The following SGCD variants were observed in gnomAD, a reference collection of about 807,000 sequenced individuals.
The protein encoded by SGCD is sarcoglycan delta.
Under a neutral mutation model 36.6 loss-of-function variants are expected in SGCD, and 18 were observed. That is an observed-to-expected ratio of 0.49 (90% CI 0.34 to 0.73). The LOEUF (loss-of-function observed/expected upper bound fraction) is 0.73, where lower values mean the gene tolerates loss of function less well. Ranked by LOEUF, SGCD falls within the 30% of genes least tolerant of loss-of-function variation. The probability of loss-of-function intolerance (pLI) is 0.01; values close to 1 mark genes in which losing one functional copy is unlikely to be tolerated. For missense variants in SGCD, 387 were observed against 346.7 expected (o/e 1.12, Z -0.92); for synonymous variants, 133 against 130.6 (o/e 1.02, Z -0.12).
chr5:156,274,509 G>A (rs1766266987), intron 3 of SGCD, among the ~76,000 whole-genome samples: 1 of 151,874 alleles, frequency 6.6e-6, no homozygotes, highest in Non-Finnish European at 1.5e-5. Flanking sequence ...TTTGCACTTG[G>A]TTCAAACTTT....
At chr5:155,746,589 T>C in the SGCD span, among the ~76,000 whole-genome samples, 2 of 152,132 alleles carry the variant, frequency 1.3e-5, no homozygotes, top group Non-Finnish European at 2.9e-5. Flanking sequence ...CAAGTTCCTG[T>C]CTCTTGTCTT....
At chr5:156,552,592 A>G (rs890361135) in intron 4 of SGCD, among the ~76,000 whole-genome samples, 3 of 152,160 alleles carry the variant, frequency 2.0e-5, no homozygotes, top group African/African-American at 7.2e-5. Flanking sequence ...ATGGATGTGG[A>G]GCCCCTGTGA....
At chr5:156,727,374 A>G (rs1233840777) in intron 7 of SGCD, among the ~76,000 whole-genome samples, 1 of 152,228 alleles carries the variant, frequency 6.6e-6, no homozygotes, top group Non-Finnish European at 1.5e-5. Flanking sequence ...GAAAAGAGGC[A>G]TAAGGAGAAA....
At chr5:156,088,558 G>T (rs1448356151) in intron 1 of SGCD, among the ~76,000 whole-genome samples, 2 of 151,936 alleles carry the variant, frequency 1.3e-5, no homozygotes, top group Non-Finnish European at 2.9e-5. Context: ...AGAATGCAGT[G>T]GTGCAATCAT....
chr5:155,995,268 G>A (rs1426954594), intron 1 of SGCD, among the ~76,000 whole-genome samples: 1 of 151,930 alleles, frequency 6.6e-6, no homozygotes, highest in African/African-American at 2.4e-5. Context: ...AGAGAGAAAG[G>A]GTCGGATGAT....
chr5:156,289,587 T>A (rs1020363315), intron 3 of SGCD, among the ~76,000 whole-genome samples: 3 of 152,012 alleles, frequency 2.0e-5, no homozygotes, highest in Non-Finnish European at 4.4e-5. Flanking sequence ...TTCTTTTTTT[T>A]ATTTTTTTAT....
chr5:155,809,631 G>A, the SGCD span, among the ~76,000 whole-genome samples: 1 of 152,298 alleles, frequency 6.6e-6, no homozygotes, highest in Non-Finnish European at 1.5e-5. Flanking sequence ...AGTGAAGACA[G>A]GGAAAAAGAG....
At chr5:156,250,439 A>G (rs554855645) in intron 3 of SGCD, among the ~76,000 whole-genome samples, 1 of 152,358 alleles carries the variant, frequency 6.6e-6, no homozygotes, top group South Asian at 2.1e-4. Context: ...TTTACCCAGT[A>G]TAATTTCAGA....
chr5:156,629,975 C>T (rs1375324947), intron 6 of SGCD, among the ~76,000 whole-genome samples: 1 of 151,306 alleles, frequency 6.6e-6, no homozygotes, highest in Non-Finnish European at 1.5e-5. Flanking sequence ...GACTGTCCTG[C>T]CTCAGCCTCC....
chr5:156,061,919 C>CTTTTTTTTTT (rs757769130), intron 1 of SGCD, among the ~76,000 whole-genome samples: 147 of 71,662 alleles, frequency 2.1e-3, no homozygotes, highest in Middle Eastern at 0.015. Context: ...GGAGTTTTCA[C>CTTTTTTTTTT]TTTTTTTTTT....
chr5:156,711,391 TCTCAATATATTCC>T (rs1004116900), intron 7 of SGCD, among the ~76,000 whole-genome samples: 7 of 152,306 alleles, frequency 4.6e-5, no homozygotes, highest in African/African-American at 1.7e-4. Context: ...CAAATGTATC[TCTCAATATATTCC>T]TTAGAGAGCA....
chr5:155,998,601 G>C (rs1758602162), intron 1 of SGCD, among the ~76,000 whole-genome samples: 1 of 152,150 alleles, frequency 6.6e-6, no homozygotes, highest in Non-Finnish European at 1.5e-5. Flanking sequence ...GTTCTCTGTG[G>C]TATAGGTCTG....
At chr5:156,620,182 G>A (rs532568451) in intron 6 of SGCD, among the ~76,000 whole-genome samples, 232 of 152,252 alleles carry the variant, frequency 1.5e-3, no homozygotes, top group African/African-American at 5.4e-3. Context: ...TTTCTCATCG[G>A]TAAAACAGGG....
At chr5:156,095,948 C>A (rs966617021) in intron 1 of SGCD, among the ~76,000 whole-genome samples, 5 of 152,208 alleles carry the variant, frequency 3.3e-5, no homozygotes, top group Non-Finnish European at 7.3e-5. Flanking sequence ...AAAAGGAAAG[C>A]TGGGTGCAGT....
intron 3 of SGCD, among the ~76,000 whole-genome samples, chr5:156,315,504 T>C (rs1375533266): frequency 6.6e-6 from 1 of 152,020 alleles, no homozygotes; most frequent in Non-Finnish European, 1.5e-5. Flanking sequence ...CTATTATGAA[T>C]AATGCTGCAA....
chr5:156,405,349 G>A (rs2127765363), intron 3 of SGCD, among the ~76,000 whole-genome samples: 1 of 152,272 alleles, frequency 6.6e-6, no homozygotes, highest in South Asian at 2.1e-4. Context: ...ATTATATGCA[G>A]TTTACTCAGA....
intron 1 of SGCD, among the ~76,000 whole-genome samples, chr5:156,089,146 C>T (rs1761175011): frequency 6.6e-6 from 1 of 152,186 alleles, no homozygotes; most frequent in African/African-American, 2.4e-5. Context: ...ACCCTGGACT[C>T]ACTGAACAGA....
intron 4 of SGCD, among the ~76,000 whole-genome samples, chr5:156,578,964 A>C (rs986982734): frequency 6.6e-6 from 1 of 151,922 alleles, no homozygotes; most frequent in Admixed American, 6.6e-5. Flanking sequence ...CTAACTTTTG[A>C]ATGTGTTTGC....
intron 3 of SGCD, among the ~76,000 whole-genome samples, chr5:156,297,149 C>T (rs998871868): frequency 2.6e-5 from 4 of 152,030 alleles, no homozygotes; most frequent in East Asian, 1.9e-4. Flanking sequence ...ATTCATGTTA[C>T]AAGCATTCCA....
Sources: allele counts gnomAD v4.1 joint callset (sites outside exome capture counted in the v4.1 genomes callset), GRCh38; gene constraint gnomAD v4.1.1; transcripts MANE v1.5; gene names NCBI Gene and HGNC (gene_info 2026-07-23, HGNC 2026-07-21).